RBFOX1: variants seen among roughly 807,000 people sequenced by gnomAD.
RBFOX1 encodes RNA binding fox-1 homolog 1.
A neutral mutation model predicts 57.7 loss-of-function variants in RBFOX1; 8 were observed. The observed-to-expected ratio is 0.14, with a 90% confidence interval of 0.08 to 0.25. RBFOX1 has a LOEUF of 0.25. Among genes scored for constraint, RBFOX1 ranks in the 10% least tolerant of loss-of-function variants. RBFOX1 has a pLI of 1.00. For missense variants in RBFOX1, 611 were observed against 548.5 expected (o/e 1.11, Z -1.14); for synonymous variants, 326 against 222.4 (o/e 1.47, Z -4.15).
intron 2 of RBFOX1, among the ~76,000 whole-genome samples, chr16:6,530,605 A>C (rs2153817069): frequency 6.6e-6 from 1 of 152,306 alleles, no homozygotes; most frequent in Middle Eastern, 3.4e-3. Flanking sequence ...ATTTACAAAG[A>C]AAAAGAGATT....
chr16:5,571,083 A>G (rs755379808), intron 2 of RBFOX1, among the ~76,000 whole-genome samples: 1 of 151,972 alleles, frequency 6.6e-6, no homozygotes. Context: ...ATGTCTGTTC[A>G]CTGAAGATCC....
At chr16:5,643,073 G>A (rs1004125475) in intron 3 of RBFOX1, among the ~76,000 whole-genome samples, 1 of 152,156 alleles carries the variant, frequency 6.6e-6, no homozygotes, top group African/African-American at 2.4e-5. Flanking sequence ...CCAGATTGTG[G>A]GATATGGGCA....
intron 4 of RBFOX1, among the ~76,000 whole-genome samples, chr16:7,306,090 A>G (rs1328805358): frequency 6.6e-6 from 1 of 152,188 alleles, no homozygotes; most frequent in Non-Finnish European, 1.5e-5. Flanking sequence ...TTTATTAATC[A>G]ATTTGAATAT....
chr16:6,098,454 A>T (rs1567450171), intron 1 of RBFOX1, among the ~76,000 whole-genome samples: 4 of 152,222 alleles, frequency 2.6e-5, no homozygotes, highest in Admixed American at 1.3e-4. Flanking sequence ...CTTTAACCCC[A>T]GCCTCGGGAG....
rs570022856 is a variant in RBFOX1, at chr16:7,680,494, A to G, written c.995+3656A>G. ...AAGTAGCTAGATGCAGACCGCCTAG[A>G]GACGGAAGCAAGACAGTTTTTCACT... On this transcript the variant is annotated intron_variant, in intron 14 of 15. Coordinates refer to ENST00000550418, the MANE Select transcript of RBFOX1 (RefSeq NM_018723.4). Among the ~76,000 whole-genome samples, 8 of 152,274 alleles carry G rather than the reference A, an allele frequency of 5.3e-5. No individual in the cohort carries two copies. In the South Asian group the frequency reaches 1.7e-3, roughly 32 times the overall value.
chr16:5,728,591 C>T (rs975488734), intron 3 of RBFOX1, among the ~76,000 whole-genome samples: 4 of 152,132 alleles, frequency 2.6e-5, no homozygotes, highest in African/African-American at 9.7e-5. Context: ...TCTCTGATGC[C>T]ATTTATCTTC....
At chr16:7,389,170 G>T (rs567924992) in intron 4 of RBFOX1, among the ~76,000 whole-genome samples, 3 of 152,184 alleles carry the variant, frequency 2.0e-5, no homozygotes, top group Admixed American at 6.5e-5. Flanking sequence ...GTGTCACCCA[G>T]GCTGGAATGC....
intron 3 of RBFOX1, among the ~76,000 whole-genome samples, chr16:5,847,973 C>T (rs149839540): frequency 6.6e-6 from 1 of 152,124 alleles, no homozygotes; most frequent in Admixed American, 6.5e-5. Flanking sequence ...TGCCATGGCT[C>T]TGACATCATC....
intron 4 of RBFOX1, among the ~76,000 whole-genome samples, chr16:5,921,876 G>A (rs2058830088): frequency 6.6e-6 from 1 of 152,042 alleles, no homozygotes; most frequent in Non-Finnish European, 1.5e-5. Flanking sequence ...GATAGGCCAG[G>A]TGTGGTGGCT....
chr16:5,831,508 T>TATTATTATTATTA, intron 3 of RBFOX1, among the ~76,000 whole-genome samples: 1 of 149,938 alleles, frequency 6.7e-6, no homozygotes, highest in East Asian at 1.9e-4. Context: ...TTATTATTAT[T>TATTATTATTATTA]TGAGATGGAG....
chr16:7,374,152 G>C (rs1377449983), intron 4 of RBFOX1, among the ~76,000 whole-genome samples: 3 of 152,166 alleles, frequency 2.0e-5, no homozygotes, highest in Admixed American at 1.3e-4. Context: ...CAGGTGACAG[G>C]GTTTGCAGAT....
At chr16:6,266,239 C>G (rs924422513) in intron 1 of RBFOX1, among the ~76,000 whole-genome samples, 1 of 152,146 alleles carries the variant, frequency 6.6e-6, no homozygotes, top group East Asian at 1.9e-4. Flanking sequence ...TAAAAGACAG[C>G]CAACACATAG....
At chr16:6,884,493 C>A (rs777822882) in intron 3 of RBFOX1, among the ~76,000 whole-genome samples, 1 of 152,196 alleles carries the variant, frequency 6.6e-6, no homozygotes, top group Non-Finnish European at 1.5e-5. Flanking sequence ...TAAGTACCTA[C>A]CATTTGCAAG....
chr16:7,707,503 GTTCC>G (rs2082859923), intron 14 of RBFOX1, among the ~76,000 whole-genome samples: 1 of 152,160 alleles, frequency 6.6e-6, no homozygotes, highest in African/African-American at 2.4e-5. Flanking sequence ...CACCAGCCTT[GTTCC>G]TTCATTCAGG....
intron 1 of RBFOX1, among the ~76,000 whole-genome samples, chr16:6,251,027 G>A (rs777130924): frequency 4.6e-5 from 7 of 152,098 alleles, no homozygotes; most frequent in Non-Finnish European, 8.8e-5. Flanking sequence ...TCAGCTTGCT[G>A]TCATTTGCAA....
intron 2 of RBFOX1, among the ~76,000 whole-genome samples, chr16:5,591,947 A>T (rs749644875): frequency 6.6e-6 from 1 of 152,256 alleles, no homozygotes; most frequent in African/African-American, 2.4e-5. Context: ...GTATAATTTC[A>T]CTGTGTATAA....
At chr16:6,612,991 G>A (rs1346314159) in intron 2 of RBFOX1, among the ~76,000 whole-genome samples, 5 of 148,370 alleles carry the variant, frequency 3.4e-5, no homozygotes, top group Admixed American at 6.9e-5. Flanking sequence ...GAAGGCAGGT[G>A]CCAGTCCCAG....
At chr16:7,343,561 G>A (rs1289817046) in intron 4 of RBFOX1, among the ~76,000 whole-genome samples, 2 of 152,144 alleles carry the variant, frequency 1.3e-5, no homozygotes, top group East Asian at 3.9e-4. Flanking sequence ...TGCCAACTGG[G>A]ACTTTTCAGA....
chr16:6,752,260 A>G (rs1307819253), intron 3 of RBFOX1, among the ~76,000 whole-genome samples: 1 of 152,194 alleles, frequency 6.6e-6, no homozygotes, highest in Non-Finnish European at 1.5e-5. Context: ...GTCATTTATA[A>G]CATCGAAGTG....
Sources: gnomAD v4.1 joint callset for allele counts (sites outside exome capture counted in the v4.1 genomes callset) on GRCh38, gnomAD v4.1.1 for gene constraint, MANE v1.5 for transcripts, NCBI Gene and HGNC (gene_info 2026-07-23, HGNC 2026-07-21) for gene names.